The following CMTR2 variants were observed in gnomAD, a reference collection of about 807,000 sequenced individuals.
The protein encoded by CMTR2 is cap-specific mRNA (nucleoside-2'-O-)-methyltransferase 2.
In CMTR2, 40 loss-of-function variants were observed where a neutral mutation model predicts 49.8. The ratio of observed to expected loss-of-function variants is 0.80; its 90% CI spans 0.62 to 1.04. The LOEUF is 1.04. Ranked by LOEUF, CMTR2 falls within the 50% of genes least tolerant of loss-of-function variation. CMTR2 has a pLI of 0.00. For synonymous variants in CMTR2, 326 were observed against 315.8 expected (o/e 1.03, Z -0.34); for missense variants, 907 against 897.2 (o/e 1.01, Z -0.14).
chr16:71,283,917 G>T lies in CMTR2; in HGVS notation c.2004C>A (p.Phe668Leu). The T allele has an allele frequency of 6.2e-7, 1 of 1,614,016 alleles. No individual in the cohort carries two copies. The highest frequency in any genetic ancestry group is 1.1e-5 in the South Asian group (1 of 91,074). Reference protein sequence around the residue: ...LIFVLHSCFRFITFVCPTSSD... With the variant: ...LIFVLHSCFRLITFVCPTSSD... Reference sequence around the variant, plus strand: ...AGGATGTGGGACAAACAAAAGTGATGAATCTAAAACAACTGTGGAGTACAA... The same window carrying T: ...AGGATGTGGGACAAACAAAAGTGATTAATCTAAAACAACTGTGGAGTACAA... The change falls in exon 3 of 3, where the codon TTC becomes TTA. Residue 668 changes from phenylalanine (F) to leucine (L), a missense_variant. Transcript: ENST00000434935.
Position 71,282,475 on chromosome 16 carries a change from C to T in CMTR2, c.*1133G>A, listed in dbSNP as rs1033869418. 1.3e-5 allele frequency: 2 copies of T among 152,038 alleles called. No homozygotes were observed. The highest frequency in any genetic ancestry group is 4.8e-5 in the African/African-American group (2 of 41,420). The allele number at this position is 152,038 out of a possible 1,614,324, so 9.4% of individuals were successfully genotyped here. ...TATAAATATTCTCCACTTTGTGGAA[C>T]TTCAAGATAATGAAAAATTGCTTAA... On this transcript the variant is annotated 3_prime_UTR_variant, in exon 3 of 3. Coordinates refer to ENST00000434935, the MANE Select transcript of CMTR2 (RefSeq NM_018348.6).
chr16:71,286,789 A>G (rs1034337342), intron 2 of CMTR2: 2 of 152,104 alleles, frequency 1.3e-5, no homozygotes, highest in African/African-American at 2.4e-5. Context: ...CACTTCCACC[A>G]TAACATATCA....
In CMTR2 at chr16:71,285,947, G is replaced by A; in HGVS notation, c.-19-8C>T. On this transcript the variant is annotated splice_region_variant and splice_polypyrimidine_tract_variant and intron_variant, in intron 2 of 2. Transcript: ENST00000434935. ...TTCAAATCAAATTAAAATCTAGGAA[G>A]AGAAAACACATAATTAAATGAATCA... is the stretch of plus-strand genomic sequence containing the variant. The A allele has an allele frequency of 3.3e-6, 5 of 1,526,778 alleles. No individual in the cohort carries two copies. The highest frequency in any genetic ancestry group is 4.4e-6 in the Non-Finnish European group (5 of 1,139,082). The allele number at this position is 1,526,778 out of a possible 1,614,324, so 94.6% of individuals were successfully genotyped here.
rs982097314 is a variant in CMTR2 at position 71,282,986 on chromosome 16, G to T, written c.*622C>A. On this transcript the variant is annotated 3_prime_UTR_variant, in exon 3 of 3. Coordinates refer to ENST00000434935, the MANE Select transcript of CMTR2 (RefSeq NM_018348.6). ...TGGTCAGTAAAAGATTCATACAACAGCATACTAGTTTTATTTGAGCCATGT... is the reference window on the plus strand; with the variant it reads ...TGGTCAGTAAAAGATTCATACAACATCATACTAGTTTTATTTGAGCCATGT... The T allele has an allele frequency of 3.9e-5, 6 of 152,584 alleles. No homozygotes were observed. The highest frequency in any genetic ancestry group is 8.8e-5 in the Non-Finnish European group (6 of 68,056). 9.5% of individuals were successfully genotyped at this position (152,584 alleles called of 1,614,324 possible). A position where few individuals can be genotyped will look rare whatever the true frequency, so the allele number is the denominator to read the frequency against.
At position 71,285,041 on chromosome 16, in the gene CMTR2, AAC is replaced by A; in HGVS notation, c.878_879del (p.Cys293LeufsTer3). 8 of 1,614,024 alleles carry A rather than the reference AAC, an allele frequency of 5.0e-6. No homozygotes were observed. The highest frequency in any genetic ancestry group is 6.8e-6 in the Non-Finnish European group (8 of 1,179,978). On this transcript the variant is annotated frameshift_variant, in exon 3 of 3. Transcript: ENST00000434935. LOFTEE classifies it high-confidence loss of function. ...TTGAAAACATGGACTTGGTCAAAAC[AAC>A]AGTTTAGCAGGTACATCAAGTTTAT... ...CSINLMYLLN[C>X]CFDQVHVFKP... is the part of the protein sequence containing the mutation.
Position 71,285,263 on chromosome 16 carries a change from G to C in CMTR2, c.658C>G (p.Gln220Glu), listed in dbSNP as rs1316352410. ...GTAGCCATGCTGCTTATGAAATTCT[G>C]AAGTCCAGTCAAGAATTTCAGGGTC... ...IMTLKFLTGL[Q>E]NFISSMATVH... The change falls in exon 3 of 3, where the codon CAG becomes GAG. Residue 220 changes from glutamine to glutamate, a missense_variant. Transcript: ENST00000434935. 4 of 1,613,898 alleles carry C rather than the reference G, an allele frequency of 2.5e-6. No individual in the cohort carries two copies. In the African/African-American group the frequency reaches 4.0e-5, roughly 16 times the overall value.
chr16:71,285,332 A>G lies in CMTR2; in HGVS notation c.589T>C (p.Leu197=), dbSNP rs1319950702. The G allele has an allele frequency of 1.2e-6, 2 of 1,614,124 alleles. No individual in the cohort carries two copies. Among genetic ancestry groups the G allele is most frequent in the Admixed American group, 3.3e-5 (2 of 60,012 alleles). The change falls in exon 3 of 3, where the codon TTG becomes CTG. Residue 197 remains leucine, a synonymous_variant. Transcript: ENST00000434935. ...IMDDRLIANT[L]HWWYFGPDNT... The stretch of plus-strand genomic sequence containing the variant: ...TCTGGACCAAAGTACCACCAGTGCA[A>G]GGTATTTGCAATAAGCCGGTCATCC...
chr16:71,286,564 A>G (rs2041731225), intron 2 of CMTR2: 1 of 151,958 alleles, frequency 6.6e-6, no homozygotes, highest in Non-Finnish European at 1.5e-5. Flanking sequence ...TGTTGAATAC[A>G]TCCTCTGTCC....
Position 71,285,042 on chromosome 16 carries a change from A to G in CMTR2, c.879T>C (p.Cys293=). The G allele has an allele frequency of 6.2e-7, 1 of 1,613,990 alleles. No individual in the cohort carries two copies. The highest frequency in any genetic ancestry group is 1.3e-5 in the African/African-American group (1 of 75,012). Residue 293 remains cysteine (C), a synonymous_variant, in exon 3 of 3, where the codon TGT becomes TGC. Transcript: ENST00000434935. Reference sequence around the variant, plus strand: ...TGAAAACATGGACTTGGTCAAAACAACAGTTTAGCAGGTACATCAAGTTTA... The same window carrying G: ...TGAAAACATGGACTTGGTCAAAACAGCAGTTTAGCAGGTACATCAAGTTTA... The part of the protein sequence containing the change: ...CSINLMYLLN[C]CFDQVHVFKP...
Position 71,283,634 on chromosome 16 carries a change from T to A in CMTR2, c.2287A>T (p.Ile763Phe). 1 of 1,611,934 alleles carries A rather than the reference T, an allele frequency of 6.2e-7. No individual in the cohort carries two copies. Among genetic ancestry groups the A allele is most frequent in the South Asian group, 1.1e-5 (1 of 90,746 alleles). The stretch of plus-strand genomic sequence containing the variant: ...CAGTTTTGTAACTGAAGGCTGTTGA[T>A]AATTTCTTCTCTCTCTCTTTGAATA... ...FIIQREREEI[I>F]NSLQLQN is the part of the protein sequence containing the mutation. Residue 763 changes from isoleucine (I) to phenylalanine (F), a missense_variant, in exon 3 of 3, where the codon ATC becomes TTC. By Grantham distance (21) the Ile-to-Phe change is conservative (BLOSUM62 0). Coordinates refer to ENST00000434935, the MANE Select transcript of CMTR2 (RefSeq NM_018348.6).
rs1420644416 is a variant in CMTR2 at position 71,285,324 on chromosome 16, C to G, written c.597G>C (p.Trp199Cys). 14 of 1,613,948 alleles carry G rather than the reference C, an allele frequency of 8.7e-6. No individual in the cohort carries two copies. The highest frequency in any genetic ancestry group is 1.3e-5 in the African/African-American group (1 of 74,912). Reference protein sequence around the residue: ...DDRLIANTLHWWYFGPDNTGD... With the variant: ...DDRLIANTLHCWYFGPDNTGD... ...CAGTGTTATCTGGACCAAAGTACCACCAGTGCAAGGTATTTGCAATAAGCC... is the reference window on the plus strand; with the variant it reads ...CAGTGTTATCTGGACCAAAGTACCAGCAGTGCAAGGTATTTGCAATAAGCC... The change falls in exon 3 of 3, where the codon TGG becomes TGC. Residue 199 changes from tryptophan to cysteine, a missense_variant. Physicochemically the swap from Trp to Cys is radical, Grantham distance 215. Transcript: ENST00000434935.
chr16:71,284,611 C>T lies in CMTR2; in HGVS notation c.1310G>A (p.Arg437Lys). ...CSTNTKWFGQRNKYFKTYNER... is the reference protein window; with the variant it reads ...CSTNTKWFGQKNKYFKTYNER... ...ATTATAAGTTTTAAAATATTTGTTC[C>T]TCTGCCCAAACCATTTTGTATTTGT... Residue 437 changes from arginine to lysine, a missense_variant, in exon 3 of 3, where the codon AGG becomes AAG. Coordinates refer to ENST00000434935, the MANE Select transcript of CMTR2 (RefSeq NM_018348.6). The T allele has an allele frequency of 6.2e-7, 1 of 1,613,268 alleles. No individual in the cohort carries two copies. The highest frequency in any genetic ancestry group is 8.5e-7 in the Non-Finnish European group (1 of 1,179,702).
At position 71,284,559 on chromosome 16, in the gene CMTR2, T is replaced by C. The variant is rs1360702752; in HGVS notation, c.1362A>G (p.Ser454=). 1.2e-6 allele frequency: 2 copies of C among 1,613,792 alleles called. No individual in the cohort carries two copies. The highest frequency in any genetic ancestry group is 1.1e-5 in the South Asian group (1 of 91,024). ...YNERKMLEAL[S]WKDKVAKGYF... Reference sequence around the variant, plus strand: ...ATCCTTTGGCTACTTTATCTTTCCATGAAAGGGCTTCTAGCATCTTCCTTT... The same window carrying C: ...ATCCTTTGGCTACTTTATCTTTCCACGAAAGGGCTTCTAGCATCTTCCTTT... The change falls in exon 3 of 3, where the codon TCA becomes TCG. Residue 454 remains serine, a synonymous_variant. Transcript: ENST00000434935.
rs1490876334 is a variant in CMTR2 at position 71,282,732 on chromosome 16, T to C, written c.*876A>G. The C allele has an allele frequency of 6.6e-6, 1 of 152,310 alleles. No individual in the cohort carries two copies. Among genetic ancestry groups the C allele is most frequent in the African/African-American group, 2.4e-5 (1 of 41,470 alleles). The allele number at this position is 152,310 out of a possible 1,614,324, so 9.4% of individuals were successfully genotyped here. On this transcript the variant is annotated 3_prime_UTR_variant, in exon 3 of 3. Coordinates refer to ENST00000434935, the MANE Select transcript of CMTR2 (RefSeq NM_018348.6). ...GAAGCGTTTTCTTTAGTATTCACTA[T>C]GTTCATCACATTCATGTGTTCCCAA...
chr16:71,284,706 CATAAA>C lies in CMTR2; in HGVS notation c.1210_1214del (p.Phe404AlafsTer12). 1 of 1,612,816 alleles carries C rather than the reference CATAAA, an allele frequency of 6.2e-7. No individual in the cohort carries two copies. ...AAAGATGTTTCAGTTGAAATTTTTG[CATAAA>C]ATATTGTATAGCACAATCCCTTAAA... is the stretch of plus-strand genomic sequence containing the variant. On this transcript the variant is annotated frameshift_variant, in exon 3 of 3. Transcript: ENST00000434935. LOFTEE classifies it high-confidence loss of function.
chr16:71,288,181 CA>C (rs771318918), intron 2 of CMTR2: 1 of 152,216 alleles, frequency 6.6e-6, no homozygotes, highest in African/African-American at 2.4e-5. Flanking sequence ...CATTCCAAGA[CA>C]AAAGTCTTTC....
At chr16:71,288,638 G>C (rs571069158) in intron 2 of CMTR2, 2 of 142,688 alleles carry the variant, frequency 1.4e-5, no homozygotes, top group African/African-American at 5.3e-5. Flanking sequence ...GCACTTAAAT[G>C]CATGACTTAA....
Position 71,288,919 on chromosome 16 carries a change from C to T in CMTR2, c.-61G>A, listed in dbSNP as rs1381029863. ...ATAAAGGAGTTCCAAGTGCTTCCGC[C>T]AACTCCTCCTACCAGCAACTGTGAA... On this transcript the variant is annotated 5_prime_UTR_variant, in exon 2 of 3. Coordinates refer to ENST00000434935, the MANE Select transcript of CMTR2 (RefSeq NM_018348.6). The T allele has an allele frequency of 6.6e-6, 1 of 152,272 alleles. No homozygotes were observed. The highest frequency in any genetic ancestry group is 1.5e-5 in the Non-Finnish European group (1 of 68,102). The allele number at this position is 152,272 out of a possible 1,614,324, so 9.4% of individuals were successfully genotyped here. A position where few individuals can be genotyped will look rare whatever the true frequency, so the allele number is the denominator to read the frequency against.
rs2041643949 is a variant in CMTR2 at position 71,283,377 on chromosome 16, G to A, written c.*231C>T. The A allele has an allele frequency of 1.8e-6, 1 of 546,304 alleles. No individual in the cohort carries two copies. Among genetic ancestry groups the A allele is most frequent in the Non-Finnish European group, 3.2e-6 (1 of 311,374 alleles). The allele number at this position is 546,304 out of a possible 1,614,324, so 33.8% of individuals were successfully genotyped here. ...CACATACACACACCTCATATTTAGA[G>A]TGTGAATATCTATCATTGCATAGAT... On this transcript the variant is annotated 3_prime_UTR_variant, in exon 3 of 3. Coordinates refer to ENST00000434935, the MANE Select transcript of CMTR2 (RefSeq NM_018348.6).
Sources: gnomAD v4.1 joint callset for allele counts on GRCh38, gnomAD v4.1.1 for gene constraint, MANE v1.5 for transcripts, NCBI Gene and HGNC (gene_info 2026-07-23, HGNC 2026-07-21) for gene names.